NKAIN3: variants seen among roughly 807,000 people sequenced by gnomAD.
The protein encoded by NKAIN3 is sodium/potassium-transporting ATPase subunit beta-1-interacting protein 3.
NKAIN3 carries 25 observed loss-of-function variants against 30.2 expected under a neutral mutation model. That is an observed-to-expected ratio of 0.83 (90% CI 0.60 to 1.16). NKAIN3 has a LOEUF of 1.16. NKAIN3 is among the 50% of genes most tolerant of loss of function. NKAIN3 has a pLI of 0.00. For missense variants in NKAIN3, 225 were observed against 254.1 expected, an observed-to-expected ratio of 0.89 and a Z score of 0.78; for synonymous variants, 91 against 89.6, an observed-to-expected ratio of 1.02 and a Z score of -0.09.
At chr8:62,822,680 T>G (rs1156956220) in intron 4 of NKAIN3, among the ~76,000 whole-genome samples, 1 of 152,224 alleles carries the variant, frequency 6.6e-6, no homozygotes, top group Non-Finnish European at 1.5e-5. Context: ...CACTGTTATG[T>G]GTACCTTGAG....
rs1038492894 is a variant in NKAIN3, at chr8:62,657,218, G to A, written c.273+67424G>A. On this transcript the variant is annotated intron_variant, in intron 3 of 6. Coordinates refer to ENST00000623646, the MANE Select transcript of NKAIN3 (RefSeq NM_001304533.3). ...ATCATTTATCAACTGCCCAAAATAC[G>A]TTTTTCAATATTTCATAAGTATACA... Among the ~76,000 whole-genome samples the A allele has an allele frequency of 7.2e-5, 11 of 152,042 alleles. 1 individual carries two copies. The highest frequency in any genetic ancestry group is 4.1e-4 in the South Asian group (2 of 4,832).
In NKAIN3 at chr8:62,972,711, A is replaced by T. The variant is rs58942648; in HGVS notation, c.*7304A>T. Among the ~76,000 whole-genome samples the T allele has an allele frequency of 0.11, 16,160 of 152,190 alleles. 899 individuals carry two copies. Among genetic ancestry groups the T allele is most frequent in the South Asian group, 0.17 (818 of 4,808 alleles). ...ATATATATACTTTAAGTTCTGGGAT[A>T]CATGTGCAGAATGTGCAGGTTTGTT... On this transcript the variant is annotated 3_prime_UTR_variant, in exon 7 of 7. Transcript: ENST00000623646.
rs532188684 is a variant in NKAIN3, at chr8:62,664,534, C to T, written c.273+74740C>T. ...TTAATAACTTTTCATATAGTGGATT[C>T]CTCTCTCATTTTTGATACATTTTCC... On this transcript the variant is annotated intron_variant, in intron 3 of 6. Transcript: ENST00000623646. Among the ~76,000 whole-genome samples, 18 of 152,166 alleles carry T rather than the reference C, an allele frequency of 1.2e-4. No homozygotes were observed. The East Asian group carries it at 3.1e-3, about 26-fold the overall frequency.
chr8:62,860,758 G>A (rs1431841785), intron 4 of NKAIN3, among the ~76,000 whole-genome samples: 3 of 152,218 alleles, frequency 2.0e-5, no homozygotes, highest in Admixed American at 2.0e-4. Context: ...GTTGCAAGTG[G>A]TGACTAGGAG....
intron 1 of NKAIN3, among the ~76,000 whole-genome samples, chr8:62,425,229 A>G (rs1347730970): frequency 6.6e-6 from 1 of 151,868 alleles, no homozygotes; most frequent in African/African-American, 2.4e-5. Flanking sequence ...TATAGTTAAC[A>G]ATATGCACCA....
At chr8:62,468,585 G>T (rs964190635) in intron 1 of NKAIN3, among the ~76,000 whole-genome samples, 44 of 152,184 alleles carry the variant, frequency 2.9e-4, no homozygotes, top group Admixed American at 2.8e-3. Context: ...ATTTTCTAAA[G>T]TTTCTTCATT....
chr8:62,801,372 T>C (rs202247043), intron 4 of NKAIN3, among the ~76,000 whole-genome samples: 29,304 of 151,856 alleles, frequency 0.19, 3,191 homozygotes, highest in African/African-American at 0.29. Flanking sequence ...CACCCCCCGA[T>C]AGGGGCAGAC....
intron 1 of NKAIN3, among the ~76,000 whole-genome samples, chr8:62,409,952 G>A (rs369562948): frequency 2.6e-5 from 4 of 151,728 alleles, no homozygotes; most frequent in East Asian, 1.9e-4. Context: ...TCAATATTTA[G>A]CAACTTTTTA....
At chr8:62,621,885 A>T (rs1338701759) in intron 3 of NKAIN3, among the ~76,000 whole-genome samples, 1 of 152,072 alleles carries the variant, frequency 6.6e-6, no homozygotes, top group African/African-American at 2.4e-5. Flanking sequence ...AGCATTGAAC[A>T]GTCAAGATAC....
intron 5 of NKAIN3, among the ~76,000 whole-genome samples, chr8:62,919,227 A>ATTTTTTTTTTTTTTTTTTTTT (rs71255371): frequency 2.1e-5 from 1 of 47,184 alleles, no homozygotes; most frequent in Non-Finnish European, 3.6e-5. Context: ...TACTTTCAAA[A>ATTTTTTTTTTTTTTTTTTTTT]TTTTTTTTTT....
intron 2 of NKAIN3, among the ~76,000 whole-genome samples, chr8:62,587,714 A>G (rs1810522737): frequency 6.6e-6 from 1 of 152,022 alleles, no homozygotes; most frequent in African/African-American, 2.4e-5. Flanking sequence ...GACATGATAT[A>G]TGTAAAGCAC....
At chr8:62,592,053 G>C (rs921741562) in intron 3 of NKAIN3, among the ~76,000 whole-genome samples, 1 of 151,954 alleles carries the variant, frequency 6.6e-6, no homozygotes, top group Non-Finnish European at 1.5e-5. Context: ...CTGTCAATTT[G>C]GTCCAAAATA....
chr8:62,785,946 C>T (rs1053388305), intron 4 of NKAIN3, among the ~76,000 whole-genome samples: 1 of 152,112 alleles, frequency 6.6e-6, no homozygotes, highest in African/African-American at 2.4e-5. Context: ...AAACTGAGCA[C>T]CCTCACAACT....
chr8:62,949,908 T>C (rs1246830751), intron 5 of NKAIN3, among the ~76,000 whole-genome samples: 1 of 152,202 alleles, frequency 6.6e-6, no homozygotes, highest in African/African-American at 2.4e-5. Context: ...ATGTTTTTAT[T>C]CCAACCTTCC....
chr8:62,318,059 C>G (rs1023299850), intron 1 of NKAIN3, among the ~76,000 whole-genome samples: 1 of 152,134 alleles, frequency 6.6e-6, no homozygotes, highest in African/African-American at 2.4e-5. Context: ...GGAATTTACT[C>G]ATGATTTGGC....
intron 4 of NKAIN3, among the ~76,000 whole-genome samples, chr8:62,870,687 C>CTATATATCTATATA (rs1563604393): frequency 1.7e-5 from 2 of 118,518 alleles, no homozygotes; most frequent in African/African-American, 7.0e-5. Flanking sequence ...ATATCTATAT[C>CTATATATCTATATA]TCTCTATCTA....
intron 4 of NKAIN3, among the ~76,000 whole-genome samples, chr8:62,797,604 A>G (rs1452124510): frequency 2.0e-5 from 3 of 152,188 alleles, no homozygotes; most frequent in African/African-American, 7.2e-5. Flanking sequence ...TAGACTTTCA[A>G]TAAATATTAG....
chr8:62,453,849 G>A (rs1361918887), intron 1 of NKAIN3, among the ~76,000 whole-genome samples: 1 of 151,950 alleles, frequency 6.6e-6, no homozygotes, highest in Non-Finnish European at 1.5e-5. Flanking sequence ...TCTCTGAACA[G>A]ACCAATAACA....
intron 4 of NKAIN3, among the ~76,000 whole-genome samples, chr8:62,759,496 A>T (rs1158392104): frequency 5.3e-5 from 8 of 152,142 alleles, no homozygotes; most frequent in Non-Finnish European, 1.0e-4. Context: ...GGGGCTTATA[A>T]AGCCTGAGCT....
Sources: gnomAD v4.1 joint callset for allele counts (sites outside exome capture counted in the v4.1 genomes callset) on GRCh38, gnomAD v4.1.1 for gene constraint, MANE v1.5 for transcripts, NCBI Gene and HGNC (gene_info 2026-07-23, HGNC 2026-07-21) for gene names.